RIC8A: variants seen among roughly 807,000 people sequenced by gnomAD.
The protein encoded by RIC8A is RIC8 guanine nucleotide exchange factor A, also known as chaperone Ric-8A.
In RIC8A, 37 loss-of-function variants were observed where a neutral mutation model predicts 48.4. The ratio of observed to expected loss-of-function variants is 0.77; its 90% CI spans 0.59 to 1.01. The LOEUF is 1.01. Ranked by LOEUF, RIC8A falls within the 50% of genes least tolerant of loss-of-function variation. The probability of loss-of-function intolerance (pLI) is 0.00; values close to 1 mark genes in which losing one functional copy is unlikely to be tolerated. For synonymous variants in RIC8A, 288 were observed against 283.4 expected (o/e 1.02, Z -0.16); for missense variants, 681 against 696.8 (o/e 0.98, Z 0.25).
chr11:212,534 C>G (rs1218341831), intron 6 of RIC8A, 23 bp downstream of exon 6: 4 of 1,612,982 alleles, frequency 2.5e-6, no homozygotes, highest in Non-Finnish European at 3.4e-6. Context: ...GGAGCTGGTG[C>G]TCCTGGGGGA....
Position 208,676 on chromosome 11 carries a change from A to T in RIC8A, c.-179A>T. The T allele has an allele frequency of 2.0e-6, 1 of 503,770 alleles. No individual in the cohort carries two copies. The allele number at this position is 503,770 out of a possible 1,614,324, so 31.2% of individuals were successfully genotyped here. Reference sequence around the variant, plus strand: ...ACCTCCGAGCCGCCAGTTCTGCCTCAGGCCGCGCCCCCTTAAAGCGCCACC... The same window carrying T: ...ACCTCCGAGCCGCCAGTTCTGCCTCTGGCCGCGCCCCCTTAAAGCGCCACC... On this transcript the variant is annotated 5_prime_UTR_variant, in exon 1 of 10. Coordinates refer to ENST00000526104, the MANE Select transcript of RIC8A (RefSeq NM_001286134.2). This position sits in a 1 kb window ranked among gnomAD's most constrained non-coding sequence, Gnocchi z 4.8.
rs1213289587 is a variant in RIC8A, at chr11:212,775, C to T, written c.1210+16C>T. ...TCTGAGAGTGGTGAGTTATGGAGAC[C>T]CAGGTCCCAGCCCACCCCACCTCAG... On this transcript the variant is annotated intron_variant, in intron 7 of 9. Transcript: ENST00000526104. 38 of 1,613,266 alleles carry T rather than the reference C, an allele frequency of 2.4e-5. No individual in the cohort carries two copies. The highest frequency in any genetic ancestry group is 3.1e-5 in the Non-Finnish European group (37 of 1,179,504).
At chr11:210,462 G>T in intron 3 of RIC8A, 109 bp from the exon 4 acceptor site, 1 of 1,037,764 alleles carries the variant, frequency 9.6e-7, no homozygotes, top group Non-Finnish European at 1.5e-6. Context: ...AGTACAGGAG[G>T]TGCACAGTCA....
At chr11:210,716 G>A (rs1590075152) in intron 4 of RIC8A, 54 bp downstream of exon 4, 11 of 1,543,424 alleles carry the variant, frequency 7.1e-6, no homozygotes, top group South Asian at 1.1e-5. Flanking sequence ...CTAGATGGTC[G>A]TCCTCAACCC....
chr11:209,039 C>G lies in RIC8A; in HGVS notation c.84+101C>G, dbSNP rs796174246. ...GTGGGTGAGGCAGAGGCTGTGTCAG[C>G]AAGCGTAGGGGACGCGGCGGGGTGC... is the stretch of plus-strand genomic sequence containing the variant. On this transcript the variant is annotated intron_variant, in intron 1 of 9. Coordinates refer to ENST00000526104, the MANE Select transcript of RIC8A (RefSeq NM_001286134.2). 7.8e-6 allele frequency: 9 copies of G among 1,157,926 alleles called. No homozygotes were observed. The African/African-American group carries it at 1.4e-4, about 18-fold the overall frequency. The allele number at this position is 1,157,926 out of a possible 1,614,324, so 71.7% of individuals were successfully genotyped here.
chr11:213,156 G>C (rs971072416), intron 8 of RIC8A, 143 bp from the exon 9 acceptor site: 29 of 1,386,788 alleles, frequency 2.1e-5, no homozygotes, highest in Non-Finnish European at 2.7e-5. Context: ...GATGGCAGGA[G>C]CTGGTTACCT....
chr11:214,327 G>T lies in RIC8A; in HGVS notation c.1573G>T (p.Asp525Tyr), dbSNP rs1374144047. 4.4e-6 allele frequency: 7 copies of T among 1,607,666 alleles called. No homozygotes were observed. Among genetic ancestry groups the T allele is most frequent in the Non-Finnish European group, 5.9e-6 (7 of 1,176,982 alleles). The change falls in exon 10 of 10, where the codon GAC (aspartate) becomes TAC (tyrosine). Residue 525 changes from aspartate to tyrosine, a missense_variant. Asp to Tyr is a radical substitution (Grantham distance 160). Coordinates refer to ENST00000526104, the MANE Select transcript of RIC8A (RefSeq NM_001286134.2). Reference protein sequence around the residue: ...CETMEQQLSSDPDSDPD With the variant: ...CETMEQQLSSYPDSDPD ...GACTATGGAGCAGCAGCTCTCCTCG[G>T]ACCCTGACTCGGACCCTGACTGAGG...
At chr11:213,134 CAGA>C in intron 8 of RIC8A, 153 bp downstream of exon 8, 1 of 1,358,410 alleles carries the variant, frequency 7.4e-7, no homozygotes, top group East Asian at 2.5e-5. Flanking sequence ...TCTGGGATAC[CAGA>C]AGGTGGCAGA....
rs1308237937 is a variant in RIC8A, at chr11:212,902, A to G, written c.1276A>G (p.Met426Val). The G allele has an allele frequency of 1.2e-6, 2 of 1,606,474 alleles. No individual in the cohort carries two copies. Among genetic ancestry groups the G allele is most frequent in the Non-Finnish European group, 8.5e-7 (1 of 1,176,122 alleles). ...TGGCCTTCTGGCTGCCAGGGGCCTC[A>G]TGGCAGGAGGCCGGCCCGAGGGCCA... ...AAGLLAARGLMAGGRPEGQYS... is the reference protein window; with the variant it reads ...AAGLLAARGLVAGGRPEGQYS... Residue 426 changes from methionine (M) to valine (V), a missense_variant, in exon 8 of 10, where the codon ATG becomes GTG. Physicochemically the swap from Met to Val is conservative, Grantham distance 21 (BLOSUM62 1). Coordinates refer to ENST00000526104, the MANE Select transcript of RIC8A (RefSeq NM_001286134.2).
Position 209,810 on chromosome 11 carries a change from G to T in RIC8A, c.536G>T (p.Arg179Leu). ...FLLTALRTDV[R>L]QQLFQELKGV... Reference sequence around the variant, plus strand: ...CTAACGGCACTCCGCACCGATGTGCGCCAGCAGCTGTTTCAGGAGCTGAAA... The same window carrying T: ...CTAACGGCACTCCGCACCGATGTGCTCCAGCAGCTGTTTCAGGAGCTGAAA... Residue 179 changes from arginine (R) to leucine (L), a missense_variant, in exon 3 of 10, where the codon CGC becomes CTC. Coordinates refer to ENST00000526104, the MANE Select transcript of RIC8A (RefSeq NM_001286134.2). 1.2e-6 allele frequency: 2 copies of T among 1,613,980 alleles called. No individual in the cohort carries two copies. Among genetic ancestry groups the T allele is most frequent in the South Asian group, 2.2e-5 (2 of 91,090 alleles).
rs1295559610 is a variant in RIC8A at position 214,957 on chromosome 11, CG to C, written c.*608del. Reference sequence around the variant, plus strand: ...GTAGTATCCACAGTGCCCGAGTTCTCGCTGGTTTTGGCAATTAAACCTCCTT... The same window carrying C: ...GTAGTATCCACAGTGCCCGAGTTCTCCTGGTTTTGGCAATTAAACCTCCTT... On this transcript the variant is annotated 3_prime_UTR_variant, in exon 10 of 10. Coordinates refer to ENST00000526104, the MANE Select transcript of RIC8A (RefSeq NM_001286134.2). 5.9e-6 allele frequency: 1 copy of C among 169,518 alleles called. No homozygotes were observed. Among genetic ancestry groups the C allele is most frequent in the Non-Finnish European group, 1.3e-5 (1 of 77,010 alleles). The allele number at this position is 169,518 out of a possible 1,614,324, so 10.5% of individuals were successfully genotyped here.
At chr11:209,156 T>C (rs1371833589) in intron 1 of RIC8A, 115 bp from the exon 2 acceptor site, 1 of 1,311,022 alleles carries the variant, frequency 7.6e-7, no homozygotes, top group Non-Finnish European at 1.1e-6. Context: ...GTGCCGACCC[T>C]GCCATCCGTT....
chr11:209,908 C>T lies in RIC8A; in HGVS notation c.634C>T (p.Leu212Phe). The T allele has an allele frequency of 6.2e-7, 1 of 1,608,610 alleles. No homozygotes were observed. Among genetic ancestry groups the T allele is most frequent in the Non-Finnish European group, 8.5e-7 (1 of 1,179,986 alleles). Reference protein sequence around the residue: ...VTPEGNPPPTLLPSQETERAM... With the variant: ...VTPEGNPPPTFLPSQETERAM... ...TCCTGAAGGGAACCCCCCACCCACGCTCCTTCCTTCCCAAGAGACTGAGCG... is the reference window on the plus strand; with the variant it reads ...TCCTGAAGGGAACCCCCCACCCACGTTCCTTCCTTCCCAAGAGACTGAGCG... Residue 212 changes from leucine (L) to phenylalanine (F), a missense_variant, in exon 3 of 10, where the codon CTC becomes TTC. Physicochemically the swap from Leu to Phe is conservative, Grantham distance 22. Coordinates refer to ENST00000526104, the MANE Select transcript of RIC8A (RefSeq NM_001286134.2).
At chr11:209,053 G>A in intron 1 of RIC8A, 115 bp downstream of exon 1, 1 of 1,078,438 alleles carries the variant, frequency 9.3e-7, no homozygotes, top group Non-Finnish European at 1.4e-6. Context: ...CGTAGGGGAC[G>A]CGGCGGGGTG....
chr11:212,806 C>T (rs1855397385), intron 7 of RIC8A, 31 bp from the exon 8 acceptor site: 1 of 1,610,500 alleles, frequency 6.2e-7, no homozygotes, highest in African/African-American at 1.3e-5. Flanking sequence ...CTCAGCCAGG[C>T]TTGCACACTG....
rs200703399 is a variant in RIC8A, at chr11:208,889, C to T, written c.35C>T (p.Thr12Met). The T allele has an allele frequency of 2.2e-5, 35 of 1,590,094 alleles. No homozygotes were observed. The East Asian group carries it at 3.0e-4, about 14-fold the overall frequency. Residue 12 changes from threonine (T) to methionine (M), a missense_variant, in exon 1 of 10, where the codon ACG (threonine) becomes ATG (methionine). Coordinates refer to ENST00000526104, the MANE Select transcript of RIC8A (RefSeq NM_001286134.2). The surrounding 1 kb of genome is among the most constrained non-coding windows in gnomAD (Gnocchi z 4.8). ...CGGGCGGTTGCAGAAGCCGTGGAGA[C>T]GGGTGAGGAGGATGTGATTATGGAA... The part of the protein sequence containing the change: ...EPRAVAEAVE[T>M]GEEDVIMEAL...
Position 209,677 on chromosome 11 carries a change from G to A in RIC8A, c.403G>A (p.Ala135Thr), listed in dbSNP as rs748892617. The change falls in exon 3 of 10, where the codon GCA (alanine) becomes ACA (threonine). Residue 135 changes from alanine to threonine, a missense_variant. Coordinates refer to ENST00000526104, the MANE Select transcript of RIC8A (RefSeq NM_001286134.2). ...CAGCAGCCCTGTGGCACAGATGCTG[G>A]CAGCAGAGGCCCGCCTAGTGGTGAA... ...VLSSPVAQML[A>T]AEARLVVKLT... 4.6e-5 allele frequency: 74 copies of A among 1,613,822 alleles called. No homozygotes were observed. The highest frequency in any genetic ancestry group is 6.1e-5 in the Non-Finnish European group (72 of 1,179,992).
chr11:210,474 T>G, intron 3 of RIC8A, 97 bp from the exon 4 acceptor site: 1 of 1,142,794 alleles, frequency 8.8e-7, no homozygotes, highest in South Asian at 1.2e-5. Flanking sequence ...GCACAGTCAT[T>G]GCCACACAGT....
At position 212,316 on chromosome 11, in the gene RIC8A, G is replaced by A. The variant is rs1855380907; in HGVS notation, c.970-100G>A. ...CAAACCTCTGCCGCCAGGACCAGCT[G>A]TTGTGTATGTTGGTGGGAAGGGGTG... On this transcript the variant is annotated intron_variant, in intron 5 of 9. Transcript: ENST00000526104. 4 of 1,185,308 alleles carry A rather than the reference G, an allele frequency of 3.4e-6. No individual in the cohort carries two copies. In the African/African-American group the frequency reaches 4.6e-5, roughly 13 times the overall value. 73.4% of individuals were successfully genotyped at this position (1,185,308 alleles called of 1,614,324 possible). A position where few individuals can be genotyped will look rare whatever the true frequency, so the allele number is the denominator to read the frequency against.
Sources: gnomAD v4.1 joint callset for allele counts on GRCh38, gnomAD v4.1.1 for gene constraint, Gnocchi (gnomAD v3.1) non-coding constraint, MANE v1.5 for transcripts, NCBI Gene and HGNC (gene_info 2026-07-23, HGNC 2026-07-21) for gene names.